ZNF774: variants seen among roughly 807,000 people sequenced by gnomAD.
ZNF774 encodes the protein zinc finger protein 774.
Under a neutral mutation model 11.1 loss-of-function variants are expected in ZNF774, and 14 were observed. That is an observed-to-expected ratio of 1.26 (90% CI 0.83 to 1.97). The LOEUF (loss-of-function observed/expected upper bound fraction) is 1.97, where lower values mean the gene tolerates loss of function less well. ZNF774 is among the 30% of genes most tolerant of loss of function. The pLI, the probability that ZNF774 is intolerant of heterozygous loss-of-function variation, is 0.00. For missense variants in ZNF774, 599 were observed against 587.0 expected (o/e 1.02, Z -0.21); for synonymous variants, 195 against 212.6 (o/e 0.92, Z 0.72).
In ZNF774 at chr15:90,362,189, C is replaced by A; in HGVS notation, c.*906C>A. 1 of 226,770 alleles carries A rather than the reference C, an allele frequency of 4.4e-6. No individual in the cohort carries two copies. The highest frequency in any genetic ancestry group is 8.9e-6 in the Non-Finnish European group (1 of 112,584). The allele number at this position is 226,770 out of a possible 1,614,324, so 14.0% of individuals were successfully genotyped here. A position where few individuals can be genotyped will look rare whatever the true frequency, so the allele number is the denominator to read the frequency against. On this transcript the variant is annotated 3_prime_UTR_variant, in exon 4 of 4. Transcript: ENST00000354377. Reference sequence around the variant, plus strand: ...CACTGCCAGTTCAGTGCTGTGCAGGCATTAGTCACCAGAGGTCTCACTGCC... The same window carrying A: ...CACTGCCAGTTCAGTGCTGTGCAGGAATTAGTCACCAGAGGTCTCACTGCC...
At chr15:90,357,171 G>A (rs985492628) in intron 2 of ZNF774, among the ~76,000 whole-genome samples, 2 of 151,932 alleles carry the variant, frequency 1.3e-5, no homozygotes, top group East Asian at 1.9e-4. Context: ...ATGAAAGTGC[G>A]CATTTCTTTA....
Position 90,362,216 on chromosome 15 carries a change from T to C in ZNF774, c.*933T>C. 1 of 266,332 alleles carries C rather than the reference T, an allele frequency of 3.8e-6. No homozygotes were observed. The highest frequency in any genetic ancestry group is 7.3e-6 in the Non-Finnish European group (1 of 136,524). The allele number at this position is 266,332 out of a possible 1,614,324, so 16.5% of individuals were successfully genotyped here. The stretch of plus-strand genomic sequence containing the variant: ...TTAGTCACCAGAGGTCTCACTGCCA[T>C]GACAAGGCCAAATTATCGTAGAGGA... On this transcript the variant is annotated 3_prime_UTR_variant, in exon 4 of 4. Coordinates refer to ENST00000354377, the MANE Select transcript of ZNF774 (RefSeq NM_001004309.3).
rs59687959 is a variant in ZNF774, at chr15:90,362,748, T to TACACACACACAC, written c.*1492_*1503dup. ...CAAGGTTGTTGTGAGGATCTAAAAA[T>TACACACACACAC]ACACACACACACACACACACACACA... On this transcript the variant is annotated 3_prime_UTR_variant, in exon 4 of 4. Coordinates refer to ENST00000354377, the MANE Select transcript of ZNF774 (RefSeq NM_001004309.3). 1.4e-4 allele frequency: 67 copies of TACACACACACAC among 489,510 alleles called. 1 individual carries two copies. Among genetic ancestry groups the TACACACACACAC allele is most frequent in the Middle Eastern group, 1.1e-3 (2 of 1,840 alleles). 30.3% of individuals were successfully genotyped at this position (489,510 alleles called of 1,614,324 possible). A position where few individuals can be genotyped will look rare whatever the true frequency, so the allele number is the denominator to read the frequency against.
intron 1 of ZNF774, among the ~76,000 whole-genome samples, chr15:90,352,922 C>G (rs922273631): frequency 2.0e-5 from 3 of 151,966 alleles, no homozygotes; most frequent in Non-Finnish European, 4.4e-5. Flanking sequence ...CAAGTGGGCC[C>G]TGCAGCTGTG....
intron 2 of ZNF774, among the ~76,000 whole-genome samples, chr15:90,357,236 G>A (rs923710358): frequency 1.3e-5 from 2 of 151,266 alleles, no homozygotes; most frequent in African/African-American, 4.9e-5. Context: ...CCTGGGTGTG[G>A]CAGCTCATGT....
chr15:90,352,858 G>C (rs1964192410), intron 1 of ZNF774, among the ~76,000 whole-genome samples: 2 of 152,108 alleles, frequency 1.3e-5, no homozygotes, highest in African/African-American at 2.4e-5. Context: ...TGGGAAACAG[G>C]GTTTCTATAA....
chr15:90,362,566 G>GTACATTCC lies in ZNF774; in HGVS notation c.*1291_*1298dup. 1 of 1,535,898 alleles carries GTACATTCC rather than the reference G, an allele frequency of 6.5e-7. No homozygotes were observed. The highest frequency in any genetic ancestry group is 8.7e-7 in the Non-Finnish European group (1 of 1,146,750). On this transcript the variant is annotated 3_prime_UTR_variant, in exon 4 of 4. Transcript: ENST00000354377. The stretch of plus-strand genomic sequence containing the variant: ...TTAGGGCCATCCAGGTTATGCACTA[G>GTACATTCC]TACATTCCTACATTCAATTGAAATA...
chr15:90,353,056 C>T (rs144313917), intron 1 of ZNF774, among the ~76,000 whole-genome samples: 93 of 152,256 alleles, frequency 6.1e-4, no homozygotes, highest in Middle Eastern at 6.8e-3. Context: ...CAGTCTCCAC[C>T]TCCCGGGTTC....
rs1288656084 is a variant in ZNF774, at chr15:90,362,774, CA to C, written c.*1492del. ...ACACACACACACACACACACACACA[CA>C]CACACACACACTTTGTTGGTTAACT... On this transcript the variant is annotated 3_prime_UTR_variant, in exon 4 of 4. Transcript: ENST00000354377. The C allele has an allele frequency of 3.6e-6, 2 of 561,520 alleles. No individual in the cohort carries two copies. The highest frequency in any genetic ancestry group is 3.7e-5 in the African/African-American group (2 of 53,344). The allele number at this position is 561,520 out of a possible 1,614,324, so 34.8% of individuals were successfully genotyped here.
Position 90,360,520 on chromosome 15 carries a change from CAG to C in ZNF774, c.690_691del (p.Arg233ThrfsTer3). 2.5e-6 allele frequency: 4 copies of C among 1,613,972 alleles called. No homozygotes were observed. Among genetic ancestry groups the C allele is most frequent in the Non-Finnish European group, 3.4e-6 (4 of 1,180,020 alleles). On this transcript the variant is annotated frameshift_variant, in exon 4 of 4. Coordinates refer to ENST00000354377, the MANE Select transcript of ZNF774 (RefSeq NM_001004309.3). LOFTEE classifies it low-confidence loss of function (END_TRUNC). Reference sequence around the variant, plus strand: ...CTCATCAAACATCAGAGAACCCACACAGGGGAGAGACCCTATGAGTGCCCAGA... The same window carrying C: ...CTCATCAAACATCAGAGAACCCACACGGGAGAGACCCTATGAGTGCCCAGA...
intron 2 of ZNF774, among the ~76,000 whole-genome samples, chr15:90,357,824 T>C (rs2151681972): frequency 6.6e-6 from 1 of 152,240 alleles, no homozygotes; most frequent in South Asian, 2.1e-4. Flanking sequence ...TCCAACTGCC[T>C]TGGTCTCCCA....
intron 2 of ZNF774, chr15:90,355,509 G>T (rs970887177): frequency 2.9e-5 from 13 of 448,048 alleles, no homozygotes; most frequent in Non-Finnish European, 5.4e-5. Context: ...CGGATCATAA[G>T]GTCAGGAGTT....
chr15:90,359,321 C>T (rs1025923033), intron 3 of ZNF774, among the ~76,000 whole-genome samples: 18 of 151,910 alleles, frequency 1.2e-4, no homozygotes, highest in Admixed American at 2.0e-4. Flanking sequence ...ATCCACCCGC[C>T]TCGGCCTCCC....
chr15:90,357,397 G>A (rs1352505513), intron 2 of ZNF774, among the ~76,000 whole-genome samples: 1 of 152,040 alleles, frequency 6.6e-6, no homozygotes, highest in Non-Finnish European at 1.5e-5. Flanking sequence ...CCAGCTACTT[G>A]GGAGGCTGAG....
At chr15:90,359,113 C>T (rs1172649585) in intron 3 of ZNF774, among the ~76,000 whole-genome samples, 156 bp downstream of exon 3, 4 of 148,050 alleles carry the variant, frequency 2.7e-5, no homozygotes, top group South Asian at 2.2e-4. Flanking sequence ...TCGCCCAGGC[C>T]GGACTGCGGA....
rs11854320 is a variant in ZNF774 at position 90,360,270 on chromosome 15, G to A, written c.439G>A (p.Val147Ile). The A allele has an allele frequency of 0.1, 166,189 of 1,614,098 alleles. 9,364 individuals carry two copies. The highest frequency in any genetic ancestry group is 0.18 in the African/African-American group (13,460 of 74,990). The change falls in exon 4 of 4, where the codon GTA becomes ATA. Residue 147 changes from valine (V) to isoleucine (I), a missense_variant. Physicochemically the swap from Val to Ile is conservative, Grantham distance 29 (BLOSUM62 3). Coordinates refer to ENST00000354377, the MANE Select transcript of ZNF774 (RefSeq NM_001004309.3). Reference protein sequence around the residue: ...RDLNKLLDGYVGEKPMCAECG... With the variant: ...RDLNKLLDGYIGEKPMCAECG... ...TTTAAACAAGCTCCTGGATGGATAT[G>A]TAGGAGAGAAGCCTATGTGTGCAGA...
intron 3 of ZNF774, among the ~76,000 whole-genome samples, chr15:90,359,715 G>A (rs28400283): frequency 0.1 from 15,162 of 151,194 alleles, 1,950 homozygotes; most frequent in African/African-American, 0.3. Flanking sequence ...TCGGCCTCCC[G>A]AAGTGCTGGG....
chr15:90,359,972 G>T lies in ZNF774; in HGVS notation c.212-71G>T, dbSNP rs16944270. The T allele has an allele frequency of 0.027, 39,634 of 1,485,930 alleles. 3,985 individuals are homozygous for T. In the African/African-American group the frequency reaches 0.31, roughly 11 times the overall value. The allele number at this position is 1,485,930 out of a possible 1,614,324, so 92.0% of individuals were successfully genotyped here. ...TGCAGAAACAGGGATTTTAATCTTT[G>T]TCACTGCTTTCTGATATTCCTTCCT... On this transcript the variant is annotated intron_variant, in intron 3 of 3. Coordinates refer to ENST00000354377, the MANE Select transcript of ZNF774 (RefSeq NM_001004309.3).
At position 90,361,088 on chromosome 15, in the gene ZNF774, T is replaced by G; in HGVS notation, c.1257T>G (p.Ile419Met). The change falls in exon 4 of 4, where the codon ATT becomes ATG. Residue 419 changes from isoleucine to methionine, a missense_variant. Transcript: ENST00000354377. The part of the protein sequence containing the change: ...GKSFNQSSHF[I>M]THQRIHLGDR... ...GCTTCAATCAGAGCTCCCACTTTAT[T>G]ACCCATCAGCGAATCCACTTAGGAG... is the stretch of plus-strand genomic sequence containing the variant. 6.2e-7 allele frequency: 1 copy of G among 1,614,160 alleles called. No individual in the cohort carries two copies. Among genetic ancestry groups the G allele is most frequent in the Non-Finnish European group, 8.5e-7 (1 of 1,179,998 alleles).
Sources: gnomAD v4.1 joint callset for allele counts (sites outside exome capture counted in the v4.1 genomes callset) on GRCh38, gnomAD v4.1.1 for gene constraint, MANE v1.5 for transcripts, NCBI Gene and HGNC (gene_info 2026-07-23, HGNC 2026-07-21) for gene names.